ZBTB20: variants seen among roughly 807,000 people sequenced by gnomAD.
ZBTB20 encodes zinc finger and BTB domain-containing protein 20.
A neutral mutation model predicts 56.9 loss-of-function variants in ZBTB20; 9 were observed. The observed-to-expected ratio is 0.16, with a 90% CI of 0.10 to 0.28. ZBTB20 has a LOEUF of 0.28. Ranked by LOEUF, ZBTB20 falls within the 10% of genes least tolerant of loss-of-function variation. The pLI, the probability that ZBTB20 is intolerant of heterozygous loss-of-function variation, is 1.00. For synonymous variants in ZBTB20, 417 were observed against 420.7 expected (o/e 0.99, Z 0.11); for missense variants, 655 against 1,003.0 (o/e 0.65, Z 4.69).
At chr3:114,592,190 C>A (rs1247174746) in intron 6 of ZBTB20, among the ~76,000 whole-genome samples, 1 of 152,054 alleles carries the variant, frequency 6.6e-6, no homozygotes, top group Non-Finnish European at 1.5e-5. Flanking sequence ...GAAGTGCTGG[C>A]CACAAAATAA....
At chr3:114,796,723 G>A (rs1469335160) in intron 5 of ZBTB20, among the ~76,000 whole-genome samples, 1 of 151,890 alleles carries the variant, frequency 6.6e-6, no homozygotes, top group Non-Finnish European at 1.5e-5. Flanking sequence ...TGGAGTTAGA[G>A]AAGCTAGGAT....
chr3:114,977,477 G>T (rs1339518021), intron 2 of ZBTB20, among the ~76,000 whole-genome samples: 1 of 152,124 alleles, frequency 6.6e-6, no homozygotes, highest in African/African-American at 2.4e-5. Context: ...GTGACAGTGT[G>T]ATATTGGCAT....
chr3:114,342,306 C>G (rs1166531800), intron 11 of ZBTB20, among the ~76,000 whole-genome samples: 1 of 152,164 alleles, frequency 6.6e-6, no homozygotes, highest in African/African-American at 2.4e-5. Flanking sequence ...TCGATTGTTG[C>G]TCTCCAAGTA....
intron 4 of ZBTB20, among the ~76,000 whole-genome samples, chr3:114,807,963 TG>T (rs1192490458): frequency 1.3e-5 from 2 of 152,116 alleles, no homozygotes; most frequent in African/African-American, 4.8e-5. Flanking sequence ...TTCATTGTGA[TG>T]TCTTTGTCTG....
At chr3:114,560,342 A>G (rs1018885886) in intron 6 of ZBTB20, among the ~76,000 whole-genome samples, 1 of 152,196 alleles carries the variant, frequency 6.6e-6, no homozygotes, top group Non-Finnish European at 1.5e-5. Context: ...GATGACAGCA[A>G]CAGCAGCTAA....
At chr3:115,109,149 TA>T (rs1478990082) in intron 1 of ZBTB20, among the ~76,000 whole-genome samples, 1 of 152,162 alleles carries the variant, frequency 6.6e-6, no homozygotes, top group East Asian at 1.9e-4. Context: ...TCCTCTCTAC[TA>T]AACAATCTAC....
At chr3:115,042,256 C>G (rs1005171057) in intron 2 of ZBTB20, among the ~76,000 whole-genome samples, 1 of 152,154 alleles carries the variant, frequency 6.6e-6, no homozygotes, top group African/African-American at 2.4e-5. Flanking sequence ...ACTTAAAACC[C>G]TATCACAATA....
intron 1 of ZBTB20, among the ~76,000 whole-genome samples, chr3:115,119,239 G>A: frequency 6.6e-6 from 1 of 152,196 alleles, no homozygotes; most frequent in Admixed American, 6.5e-5. Flanking sequence ...AAAGTTAAAG[G>A]TATGTGGGTT....
At chr3:114,608,590 T>C (rs16823002) in intron 6 of ZBTB20, among the ~76,000 whole-genome samples, 14,280 of 152,246 alleles carry the variant, frequency 0.094, 773 homozygotes, top group African/African-American at 0.14. Flanking sequence ...CAGACTCTCA[T>C]AGCAAACCAT....
intron 6 of ZBTB20, among the ~76,000 whole-genome samples, chr3:114,584,216 A>C (rs982488201): frequency 6.6e-6 from 1 of 152,216 alleles, no homozygotes; most frequent in Non-Finnish European, 1.5e-5. Context: ...CTGAATAGGA[A>C]GAAAGACTTT....
At chr3:114,658,222 G>A (rs184470428) in intron 6 of ZBTB20, 2 of 152,230 alleles carry the variant, frequency 1.3e-5, no homozygotes, top group East Asian at 1.9e-4. Context: ...AACTTGCTTG[G>A]GAGATCAGTG....
At chr3:115,110,727 G>A (rs1446153307) in intron 1 of ZBTB20, among the ~76,000 whole-genome samples, 7 of 152,248 alleles carry the variant, frequency 4.6e-5, no homozygotes, top group Admixed American at 2.6e-4. Flanking sequence ...GGTGGCTCAC[G>A]CCTGTAATCC....
At chr3:114,844,605 T>G (rs1459324432) in intron 4 of ZBTB20, among the ~76,000 whole-genome samples, 2 of 136,078 alleles carry the variant, frequency 1.5e-5, no homozygotes, top group Non-Finnish European at 3.1e-5. Flanking sequence ...GATAACATGG[T>G]AAACATACAT....
At chr3:114,358,457 C>T (rs2081470633) in intron 10 of ZBTB20, among the ~76,000 whole-genome samples, 2 of 152,140 alleles carry the variant, frequency 1.3e-5, no homozygotes, top group South Asian at 4.1e-4. Flanking sequence ...TTATCTAAGG[C>T]TGAGAATAGA....
At chr3:114,566,296 G>C (rs755364638) in intron 6 of ZBTB20, among the ~76,000 whole-genome samples, 43 of 152,284 alleles carry the variant, frequency 2.8e-4, no homozygotes, top group Admixed American at 4.6e-4. Context: ...GGCATGCCGA[G>C]TTTCCCTCAC....
intron 10 of ZBTB20, among the ~76,000 whole-genome samples, chr3:114,353,460 G>A (rs929585932): frequency 6.6e-6 from 1 of 152,296 alleles, no homozygotes; most frequent in South Asian, 2.1e-4. Flanking sequence ...TTGTATAAGA[G>A]CATTCTTTCT....
rs557730996 is a variant in ZBTB20, at chr3:114,437,599, A to G, written c.-254-48494T>C. Among the ~76,000 whole-genome samples, 6 of 152,246 alleles carry G rather than the reference A, an allele frequency of 3.9e-5. No individual in the cohort carries two copies. In the East Asian group the frequency reaches 1.2e-3, roughly 29 times the overall value. On this transcript the variant is annotated intron_variant, in intron 7 of 11. Transcript: ENST00000675478. ...TCCTTCCAACAGCCCTGAAGATATTATTAGTAATAGGAAGTATTTTATAGG... is the reference window on the plus strand; with the variant it reads ...TCCTTCCAACAGCCCTGAAGATATTGTTAGTAATAGGAAGTATTTTATAGG...
At chr3:114,689,219 T>A (rs1003599691) in intron 6 of ZBTB20, among the ~76,000 whole-genome samples, 10 of 152,170 alleles carry the variant, frequency 6.6e-5, no homozygotes, top group African/African-American at 2.4e-4. Context: ...CCTATAGCAG[T>A]TGTGCATGAT....
At chr3:114,844,081 T>C (rs1206073478) in intron 4 of ZBTB20, among the ~76,000 whole-genome samples, 2 of 151,844 alleles carry the variant, frequency 1.3e-5, no homozygotes, top group East Asian at 1.9e-4. Context: ...CTTAAGTGAA[T>C]GGATAAACAA....
Sources: allele counts gnomAD v4.1 joint callset (sites outside exome capture counted in the v4.1 genomes callset), GRCh38; gene constraint gnomAD v4.1.1; transcripts MANE v1.5; gene names NCBI Gene and HGNC (gene_info 2026-07-23, HGNC 2026-07-21).